Variants in GYS2 observed in about 807,000 individuals in gnomAD.
GYS2 encodes the protein glycogen [starch] synthase, liver.
In GYS2, 80 loss-of-function variants were observed where a neutral mutation model predicts 85.6. That is an observed-to-expected ratio of 0.93 (90% CI 0.78 to 1.13). The LOEUF (loss-of-function observed/expected upper bound fraction) is 1.13, where lower values mean the gene tolerates loss of function less well. Among genes scored for constraint, GYS2 ranks in the 50% most tolerant of loss-of-function variants. The probability of loss-of-function intolerance (pLI) is 0.00; values close to 1 mark genes in which losing one functional copy is unlikely to be tolerated. For synonymous variants in GYS2, 328 were observed against 300.7 expected, an observed-to-expected ratio of 1.09 and a Z score of -0.94; for missense variants, 881 against 854.9, an observed-to-expected ratio of 1.03 and a Z score of -0.38.
At chr12:21,544,339 T>C (rs1944013119) in intron 12 of GYS2, among the ~76,000 whole-genome samples, 1 of 152,320 alleles carries the variant, frequency 6.6e-6, no homozygotes, top group South Asian at 2.1e-4. Flanking sequence ...ACATCTTCTT[T>C]GGCCTTTATC....
At chr12:21,544,883 A>G (rs1261646177) in intron 12 of GYS2, among the ~76,000 whole-genome samples, 1 of 152,174 alleles carries the variant, frequency 6.6e-6, no homozygotes, top group East Asian at 1.9e-4. Flanking sequence ...TTATGACCAA[A>G]CATGCCCAGC....
At chr12:21,587,857 G>T (rs1944591652) in intron 1 of GYS2, among the ~76,000 whole-genome samples, 1 of 152,058 alleles carries the variant, frequency 6.6e-6, no homozygotes, top group African/African-American at 2.4e-5. Flanking sequence ...TTTAGGCAGA[G>T]GTAATGGTCA....
intron 11 of GYS2, among the ~76,000 whole-genome samples, chr12:21,554,050 T>C (rs1022892659): frequency 1.3e-4 from 20 of 152,206 alleles, no homozygotes; most frequent in Non-Finnish European, 2.8e-4. Flanking sequence ...TTTTTGTATA[T>C]TAGCCAATTT....
At chr12:21,566,079 TATCACC>T (rs1429157125) in intron 5 of GYS2, among the ~76,000 whole-genome samples, 3 of 152,196 alleles carry the variant, frequency 2.0e-5, no homozygotes, top group African/African-American at 7.2e-5. Flanking sequence ...TTTAAGAAAA[TATCACC>T]TTTTCAACAT....
rs777046998 is a variant in GYS2 at position 21,575,883 on chromosome 12, C to T, written c.478G>A (p.Ala160Thr). 2 of 1,612,794 alleles carry T rather than the reference C, an allele frequency of 1.2e-6. No homozygotes were observed. The highest frequency in any genetic ancestry group is 4.5e-5 in the East Asian group (2 of 44,870). Residue 160 changes from alanine (A) to threonine (T), a missense_variant, in exon 3 of 16, where the codon GCC (alanine) becomes ACC (threonine). Coordinates refer to ENST00000261195, the MANE Select transcript of GYS2 (RefSeq NM_021957.4). ...NDMLIFGSLT[A>T]WFLKEVTDHA... Reference sequence around the variant, plus strand: ...AACCATACCTCTTTTAAGAACCAGGCAGTTAAAGATCCAAATATCAGCATA... The same window carrying T: ...AACCATACCTCTTTTAAGAACCAGGTAGTTAAAGATCCAAATATCAGCATA...
At chr12:21,592,771 A>C (rs760671325) in intron 1 of GYS2, among the ~76,000 whole-genome samples, 6 of 152,088 alleles carry the variant, frequency 3.9e-5, no homozygotes, top group Non-Finnish European at 7.4e-5. Context: ...TTTAAACTTG[A>C]CTTTAGACCA....
chr12:21,542,810 G>A (rs778423607), intron 12 of GYS2, among the ~76,000 whole-genome samples: 9 of 152,180 alleles, frequency 5.9e-5, no homozygotes, highest in Non-Finnish European at 1.0e-4. Flanking sequence ...CTGAAGAAAT[G>A]AGGCACAGAG....
At chr12:21,574,382 T>A in intron 3 of GYS2, 56 bp from the exon 4 acceptor site, 1 of 1,283,004 alleles carries the variant, frequency 7.8e-7, no homozygotes, top group Non-Finnish European at 1.1e-6. Flanking sequence ...TTGATTGTGC[T>A]CATGGTCCAC....
chr12:21,591,808 C>G (rs566368493), intron 1 of GYS2, among the ~76,000 whole-genome samples: 130 of 152,156 alleles, frequency 8.5e-4, no homozygotes, highest in Admixed American at 2.6e-3. Flanking sequence ...TCAGCAGAAA[C>G]CTCACAGGCC....
chr12:21,589,615 G>A (rs1944612560), intron 1 of GYS2, among the ~76,000 whole-genome samples: 1 of 152,172 alleles, frequency 6.6e-6, no homozygotes, highest in African/African-American at 2.4e-5. Context: ...AGCCTACCCA[G>A]TAGGGATCCT....
chr12:21,576,939 G>T (rs1944453680), intron 2 of GYS2, among the ~76,000 whole-genome samples: 1 of 152,096 alleles, frequency 6.6e-6, no homozygotes, highest in Non-Finnish European at 1.5e-5. Context: ...CTTTCTCAAT[G>T]TGGATCCAGG....
chr12:21,564,731 C>A (rs559737690), intron 5 of GYS2, among the ~76,000 whole-genome samples: 1 of 152,240 alleles, frequency 6.6e-6, no homozygotes, highest in South Asian at 2.1e-4. Context: ...TATCTTTCTA[C>A]AGCAATTATG....
At chr12:21,582,592 GAGATAGATATAGAT>G (rs1008819325) in intron 1 of GYS2, among the ~76,000 whole-genome samples, 1 of 128,452 alleles carries the variant, frequency 7.8e-6, no homozygotes, top group Non-Finnish European at 1.6e-5. Context: ...GATAGATATA[GAGATAGATATAGAT>G]ATAGATATAG....
In GYS2 at chr12:21,566,350, C is replaced by CT. The variant is rs915482603; in HGVS notation, c.823+2514dup. The stretch of plus-strand genomic sequence containing the variant: ...CAAAGTCATAGTTACACTATGTGAT[C>CT]TTTTTTTTTTTTTCAGAATGCTCTT... On this transcript the variant is annotated intron_variant, in intron 5 of 15. Transcript: ENST00000261195. Among the ~76,000 whole-genome samples the CT allele has an allele frequency of 3.3e-3, 467 of 141,700 alleles. 1 individual carries two copies. Among genetic ancestry groups the CT allele is most frequent in the South Asian group, 4.3e-3 (19 of 4,408 alleles). The allele number at this position is 141,700 out of a possible 152,430, so 93.0% of individuals were successfully genotyped here.
intron 12 of GYS2, among the ~76,000 whole-genome samples, chr12:21,546,082 G>C (rs1403805085): frequency 6.6e-6 from 1 of 151,840 alleles, no homozygotes; most frequent in Non-Finnish European, 1.5e-5. Flanking sequence ...TTTTTCTTTG[G>C]AATTCAATGA....
chr12:21,593,125 C>A (rs1461040015), intron 1 of GYS2, among the ~76,000 whole-genome samples: 1 of 151,720 alleles, frequency 6.6e-6, no homozygotes, highest in East Asian at 1.9e-4. Context: ...TGGGATACAG[C>A]AAAAGCAGTG....
intron 11 of GYS2, among the ~76,000 whole-genome samples, chr12:21,551,010 T>A (rs146313068): frequency 0.046 from 497 of 10,790 alleles, 5 homozygotes; most frequent in South Asian, 0.27. Context: ...TCTTTTTTTT[T>A]TAATTTTTTT....
chr12:21,575,891 G>C lies in GYS2; in HGVS notation c.470C>G (p.Ser157Cys), dbSNP rs774019135. 6.2e-7 allele frequency: 1 copy of C among 1,613,524 alleles called. No homozygotes were observed. The highest frequency in any genetic ancestry group is 1.1e-5 in the South Asian group (1 of 91,056). ...REANDMLIFG[S>C]LTAWFLKEVT... ...CTCTTTTAAGAACCAGGCAGTTAAA[G>C]ATCCAAATATCAGCATATCATTGGC... The change falls in exon 3 of 16, where the codon TCT (serine) becomes TGT (cysteine). Residue 157 changes from serine to cysteine, a missense_variant. Transcript: ENST00000261195.
intron 13 of GYS2, 52 bp from the exon 14 acceptor site, chr12:21,540,625 A>C: frequency 6.7e-7 from 1 of 1,490,458 alleles, no homozygotes; most frequent in Non-Finnish European, 9.4e-7. Context: ...AACCTTAAAC[A>C]TTTGTTCTCC....
Sources: gnomAD v4.1 joint callset for allele counts (sites outside exome capture counted in the v4.1 genomes callset) on GRCh38, gnomAD v4.1.1 for gene constraint, MANE v1.5 for transcripts, NCBI Gene and HGNC (gene_info 2026-07-23, HGNC 2026-07-21) for gene names.